Variants in NCR3LG1 observed in about 807,000 individuals in gnomAD.
NCR3LG1 encodes the protein natural cytotoxicity triggering receptor 3 ligand 1.
NCR3LG1 carries 35 observed loss-of-function variants against 34.8 expected under a neutral mutation model. The ratio of observed to expected loss-of-function variants is 1.01; its 90% confidence interval spans 0.77 to 1.33. The LOEUF is 1.33. Among genes scored for constraint, NCR3LG1 ranks in the 40% most tolerant of loss-of-function variants. The probability of loss-of-function intolerance (pLI) is 0.00; values close to 1 mark genes in which losing one functional copy is unlikely to be tolerated. For synonymous variants in NCR3LG1, 173 were observed against 163.6 expected, an observed-to-expected ratio of 1.06 and a Z score of -0.44; for missense variants, 452 against 423.3, an observed-to-expected ratio of 1.07 and a Z score of -0.60.
In NCR3LG1 at chr11:17,351,928, C is replaced by T. The variant is rs1953139244; in HGVS notation, c.-42C>T. 1.3e-6 allele frequency: 2 copies of T among 1,481,656 alleles called. No individual in the cohort carries two copies. The highest frequency in any genetic ancestry group is 9.1e-7 in the Non-Finnish European group (1 of 1,099,022). The allele number at this position is 1,481,656 out of a possible 1,614,324, so 91.8% of individuals were successfully genotyped here. ...CCCTTGGTTTCTACCGGGCCGCCTGCTCCCACTCGGCGAAAAAAATTACAC... is the reference window on the plus strand; with the variant it reads ...CCCTTGGTTTCTACCGGGCCGCCTGTTCCCACTCGGCGAAAAAAATTACAC... On this transcript the variant is annotated 5_prime_UTR_variant, in exon 1 of 5. Coordinates refer to ENST00000338965, the MANE Select transcript of NCR3LG1 (RefSeq NM_001202439.3).
chr11:17,380,132 ATAT>A (rs1388567658), downstream of NCR3LG1, among the ~76,000 whole-genome samples: 1 of 152,308 alleles, frequency 6.6e-6, no homozygotes, highest in East Asian at 1.9e-4. Flanking sequence ...CTCAGAGTGT[ATAT>A]TAGGTGCTAG....
At chr11:17,357,270 G>T (rs1488941868) in intron 2 of NCR3LG1, among the ~76,000 whole-genome samples, 1 of 152,146 alleles carries the variant, frequency 6.6e-6, no homozygotes, top group African/African-American at 2.4e-5. Context: ...TTCTTCTGAG[G>T]CCTCTCTTCT....
intron 2 of NCR3LG1, among the ~76,000 whole-genome samples, chr11:17,366,316 G>GGA (rs908493761): frequency 1.3e-5 from 2 of 152,022 alleles, no homozygotes; most frequent in Non-Finnish European, 2.9e-5. Context: ...CAGGAAATAA[G>GGA]GAGAGAGAGA....
At position 17,356,756 on chromosome 11, in the gene NCR3LG1, C is replaced by T. The variant is rs200991199; in HGVS notation, c.176C>T (p.Thr59Met). The change falls in exon 2 of 5, where the codon ACG (threonine) becomes ATG (methionine). Residue 59 changes from threonine to methionine, a missense_variant. By Grantham distance (81) the Thr-to-Met change is moderately conservative. Coordinates refer to ENST00000338965, the MANE Select transcript of NCR3LG1 (RefSeq NM_001202439.3). ...TTTTATTCCCAACCCCTCAACATCA[C>T]GTCTATGGGTATCACCTGGTTTTGG... ...NIFYSQPLNI[T>M]SMGITWFWKS... The T allele has an allele frequency of 3.5e-4, 533 of 1,536,372 alleles. 6 individuals are homozygous for T. In the South Asian group the frequency reaches 4.1e-3, roughly 12 times the overall value.
intron 4 of NCR3LG1, among the ~76,000 whole-genome samples, 173 bp from the exon 5 acceptor site, chr11:17,371,833 G>A (rs1953408866): frequency 6.6e-6 from 1 of 152,172 alleles, no homozygotes; most frequent in Non-Finnish European, 1.5e-5. Flanking sequence ...CCGGATTCAT[G>A]GGTGAAGGTC....
chr11:17,368,834 T>C (rs1953376368), intron 3 of NCR3LG1, 33 bp from the exon 4 acceptor site: 1 of 1,418,202 alleles, frequency 7.1e-7, no homozygotes, highest in Non-Finnish European at 9.6e-7. Flanking sequence ...TGCCAGTAGG[T>C]TTCCTGCTAA....
chr11:17,376,653 A>G lies in NCR3LG1; in HGVS notation c.*4141A>G, dbSNP rs559688892. 17 of 152,310 alleles carry G rather than the reference A, an allele frequency of 1.1e-4. No individual in the cohort carries two copies. The South Asian group carries it at 2.5e-3, about 22-fold the overall frequency. 9.4% of individuals were successfully genotyped at this position (152,310 alleles called of 1,614,324 possible). A position where few individuals can be genotyped will look rare whatever the true frequency, so the allele number is the denominator to read the frequency against. On this transcript the variant is annotated 3_prime_UTR_variant, in exon 5 of 5. Coordinates refer to ENST00000338965, the MANE Select transcript of NCR3LG1 (RefSeq NM_001202439.3). ...TTCAACTGAGTAACTAACTCCTCCC[A>G]GGAAAGCATTTCCTCCCTGGTGCCA...
chr11:17,364,529 A>C, intron 2 of NCR3LG1, among the ~76,000 whole-genome samples: 1 of 147,614 alleles, frequency 6.8e-6, no homozygotes. Flanking sequence ...CTTCAAGCTC[A>C]CTGATTCTTT....
intron 2 of NCR3LG1, among the ~76,000 whole-genome samples, chr11:17,359,777 A>T (rs1390907481): frequency 6.6e-6 from 1 of 151,808 alleles, no homozygotes. Context: ...TTCCCAAAGT[A>T]CTGGGATTAC....
chr11:17,364,411 C>T (rs543125825), intron 2 of NCR3LG1, among the ~76,000 whole-genome samples: 16 of 152,170 alleles, frequency 1.1e-4, no homozygotes, highest in Admixed American at 7.9e-4. Context: ...ACAGGGTGGT[C>T]GCCAACTCCT....
intron 1 of NCR3LG1, among the ~76,000 whole-genome samples, chr11:17,355,609 T>C (rs969018704): frequency 1.3e-5 from 2 of 152,130 alleles, no homozygotes; most frequent in African/African-American, 4.8e-5. Context: ...ATAACAGATA[T>C]ATACTGTGTG....
chr11:17,367,295 T>C lies in NCR3LG1; in HGVS notation c.708T>C (p.His236=), dbSNP rs1319549016. Residue 236 remains histidine, a synonymous_variant, in exon 3 of 5, where the codon CAT becomes CAC. Coordinates refer to ENST00000338965, the MANE Select transcript of NCR3LG1 (RefSeq NM_001202439.3). ...YQCVVRHASL[H]TPLRSNFTLT... ...GTGTGGTACGGCATGCGTCCTTGCA[T>C]ACCCCCTTGAGGAGCAACTTTACCC... 1 of 1,536,124 alleles carries C rather than the reference T, an allele frequency of 6.5e-7. No homozygotes were observed. The highest frequency in any genetic ancestry group is 2.0e-5 in the Admixed American group (1 of 51,002).
At chr11:17,359,077 G>C (rs1020209528) in intron 2 of NCR3LG1, among the ~76,000 whole-genome samples, 13 of 152,040 alleles carry the variant, frequency 8.6e-5, no homozygotes, top group African/African-American at 3.1e-4. Flanking sequence ...TCTAGTCCTA[G>C]AACCAACCAA....
Position 17,356,643 on chromosome 11 carries a change from T to TG in NCR3LG1, c.71-7dup. ...TAAACTGAACATTGTGTCCTCTTAT[T>TG]GCCACAGGTGATCTGAAAGTAGAGA... On this transcript the variant is annotated splice_polypyrimidine_tract_variant and splice_region_variant and intron_variant, in intron 1 of 4. Transcript: ENST00000338965. The TG allele has an allele frequency of 6.6e-7, 1 of 1,516,476 alleles. No homozygotes were observed. Among genetic ancestry groups the TG allele is most frequent in the Non-Finnish European group, 8.8e-7 (1 of 1,132,730 alleles). 93.9% of individuals were successfully genotyped at this position (1,516,476 alleles called of 1,614,324 possible).
rs573106427 is a variant in NCR3LG1, at chr11:17,352,143, G to A, written c.70+104G>A. On this transcript the variant is annotated intron_variant, in intron 1 of 4. Coordinates refer to ENST00000338965, the MANE Select transcript of NCR3LG1 (RefSeq NM_001202439.3). ...GCCAGGGGACCTCAACTTCCTGGGGGCTGAGAGCTCTATTTTCTTTTCTAT... is the reference window on the plus strand; with the variant it reads ...GCCAGGGGACCTCAACTTCCTGGGGACTGAGAGCTCTATTTTCTTTTCTAT... The A allele has an allele frequency of 3.3e-5, 21 of 628,046 alleles. No individual in the cohort carries two copies. The South Asian group carries it at 4.3e-4, about 13-fold the overall frequency. 38.9% of individuals were successfully genotyped at this position (628,046 alleles called of 1,614,324 possible).
Position 17,367,285 on chromosome 11 carries a change from C to A in NCR3LG1, c.698C>A (p.Ala233Glu), listed in dbSNP as rs11024269. 8.6e-4 allele frequency: 1,328 copies of A among 1,536,156 alleles called. 6 individuals carry two copies. In the African/African-American group the frequency reaches 0.016, roughly 19 times the overall value. The change falls in exon 3 of 5, where the codon GCG becomes GAG. Residue 233 changes from alanine to glutamate, a missense_variant. Physicochemically the swap from Ala to Glu is moderately radical, Grantham distance 107 (BLOSUM62 -1). Coordinates refer to ENST00000338965, the MANE Select transcript of NCR3LG1 (RefSeq NM_001202439.3). The part of the protein sequence containing the change: ...GTVYQCVVRH[A>E]SLHTPLRSNF... ...GTCTACCAGTGTGTGGTACGGCATG[C>A]GTCCTTGCATACCCCCTTGAGGAGC...
intron 4 of NCR3LG1, among the ~76,000 whole-genome samples, chr11:17,370,183 G>T (rs972026853): frequency 2.0e-5 from 3 of 152,192 alleles, no homozygotes; most frequent in Non-Finnish European, 4.4e-5. Context: ...ATTCAGCTGT[G>T]AAATGGCAAC....
chr11:17,354,801 T>A (rs935496081), intron 1 of NCR3LG1, among the ~76,000 whole-genome samples: 1 of 152,180 alleles, frequency 6.6e-6, no homozygotes, highest in African/African-American at 2.4e-5. Context: ...AAAATAGACT[T>A]GCACAAATCT....
chr11:17,380,659 G>T (rs374968471), downstream of NCR3LG1: 1,016 of 136,186 alleles, frequency 7.5e-3, 12 homozygotes, highest in African/African-American at 0.024. Flanking sequence ...CTAATTTTTT[G>T]TTGTTGTTGT....
Sources: allele counts gnomAD v4.1 joint callset (sites outside exome capture counted in the v4.1 genomes callset), GRCh38; gene constraint gnomAD v4.1.1; transcripts MANE v1.5; gene names NCBI Gene and HGNC (gene_info 2026-07-23, HGNC 2026-07-21).